CUBN: variants seen among roughly 807,000 people sequenced by gnomAD.
CUBN encodes the protein 460 kDa receptor.
A neutral mutation model predicts 405.3 loss-of-function variants in CUBN; 282 were observed. The ratio of observed to expected loss-of-function variants is 0.70; its 90% CI spans 0.63 to 0.77. CUBN has a LOEUF of 0.77. CUBN is among the 30% of genes least tolerant of loss of function. CUBN has a pLI of 0.00. For synonymous variants in CUBN, 1,684 were observed against 1,617.0 expected, an observed-to-expected ratio of 1.04 and a Z score of -0.99; for missense variants, 4,514 against 4,475.2, an observed-to-expected ratio of 1.01 and a Z score of -0.25.
At chr10:16,852,168 CCTCT>C (rs1352393206) in intron 59 of CUBN, among the ~76,000 whole-genome samples, 35 of 125,054 alleles carry the variant, frequency 2.8e-4, no homozygotes, top group African/African-American at 1.0e-3. Flanking sequence ...TCCCTCCCTC[CCTCT>C]ATCTTTCCCT....
chr10:17,115,190 G>A (rs1277016169), intron 7 of CUBN, among the ~76,000 whole-genome samples: 1 of 149,176 alleles, frequency 6.7e-6, no homozygotes, highest in East Asian at 2.0e-4. Context: ...GTTGCAGTGA[G>A]CTGAGATCGT....
chr10:17,008,429 C>CGT (rs59235819), intron 28 of CUBN, among the ~76,000 whole-genome samples: 7,322 of 131,484 alleles, frequency 0.056, 237 homozygotes, highest in African/African-American at 0.081. Context: ...AATCCCTGCT[C>CGT]GTGTGTGTGT....
chr10:16,865,550 G>A (rs1564393052), intron 59 of CUBN, among the ~76,000 whole-genome samples: 1 of 152,088 alleles, frequency 6.6e-6, no homozygotes, highest in Non-Finnish European at 1.5e-5. Context: ...GGGACTTGGA[G>A]AACTTTTCTG....
intron 29 of CUBN, 132 bp from the exon 30 acceptor site, chr10:16,984,411 G>T: frequency 1.1e-6 from 1 of 887,640 alleles, no homozygotes; most frequent in Non-Finnish European, 1.8e-6. Context: ...GCCTCCCTGG[G>T]TGGGGATGCA....
At chr10:17,008,458 G>GTGTGTGTT (rs1471234210) in intron 28 of CUBN, among the ~76,000 whole-genome samples, 3 of 147,606 alleles carry the variant, frequency 2.0e-5, no homozygotes. Flanking sequence ...GTGTGTGTGT[G>GTGTGTGTT]TGTGTGCGCG....
intron 48 of CUBN, among the ~76,000 whole-genome samples, chr10:16,908,200 C>T (rs1841611210): frequency 6.6e-6 from 1 of 152,034 alleles, no homozygotes; most frequent in Non-Finnish European, 1.5e-5. Context: ...GGCTGGAGTG[C>T]AGCGGTGTGA....
At chr10:16,962,251 T>C (rs1176990082) in intron 31 of CUBN, among the ~76,000 whole-genome samples, 1 of 152,118 alleles carries the variant, frequency 6.6e-6, no homozygotes, top group Non-Finnish European at 1.5e-5. Flanking sequence ...AGTAAGCATG[T>C]GATAGATGTT....
At chr10:16,950,165 A>G in intron 33 of CUBN, 54 bp from the exon 34 acceptor site, 2 of 1,301,542 alleles carry the variant, frequency 1.5e-6, no homozygotes, top group South Asian at 1.2e-5. Flanking sequence ...TAAAACATAC[A>G]GGGAGATGGG....
rs1482731800 is a variant in CUBN at position 16,925,385 on chromosome 10, G to T, written c.6502C>A (p.Pro2168Thr). 6.2e-7 allele frequency: 1 copy of T among 1,613,918 alleles called. No individual in the cohort carries two copies. The highest frequency in any genetic ancestry group is 8.5e-7 in the Non-Finnish European group (1 of 1,179,882). The change falls in exon 43 of 67, where the codon CCC (proline) becomes ACC (threonine). Residue 2168 changes from proline to threonine, a missense_variant. This residue lies in a region of CUBN where 1,613 missense variants were observed against 1,542.8 expected (regional missense o/e 1.05). Coordinates refer to ENST00000377833, the MANE Select transcript of CUBN (RefSeq NM_001081.4). ...GPDICSPPLG[P>T]PGGNGHFCGS... ...CAAAAATGACCATTTCCTCCAGGGG[G>T]TCCCAAGGGTGGAGAACAGATATCA... is the stretch of plus-strand genomic sequence containing the variant.
chr10:17,049,711 T>C (rs1835219459), intron 22 of CUBN, among the ~76,000 whole-genome samples: 1 of 152,158 alleles, frequency 6.6e-6, no homozygotes, highest in Admixed American at 6.5e-5. Context: ...GCTTTACCCT[T>C]TACCTAACCC....
chr10:16,934,038 G>A (rs75055710), intron 39 of CUBN, among the ~76,000 whole-genome samples: 2,651 of 152,264 alleles, frequency 0.017, 35 homozygotes, highest in Middle Eastern at 0.031. Context: ...GCAATGCTGA[G>A]GAGATGCGCT....
chr10:17,018,167 T>C (rs1834390014), intron 28 of CUBN, among the ~76,000 whole-genome samples: 2 of 152,170 alleles, frequency 1.3e-5, no homozygotes, highest in African/African-American at 2.4e-5. Flanking sequence ...GCGGCCATGC[T>C]AGTCACTTTT....
chr10:16,989,149 T>G (rs1295105925), intron 29 of CUBN, among the ~76,000 whole-genome samples: 3 of 152,096 alleles, frequency 2.0e-5, no homozygotes, highest in African/African-American at 7.2e-5. Context: ...GGATATAGAA[T>G]CCTTGTCATG....
intron 28 of CUBN, among the ~76,000 whole-genome samples, chr10:17,010,163 GCC>G (rs910369438): frequency 1.3e-5 from 2 of 152,194 alleles, no homozygotes; most frequent in South Asian, 2.1e-4. Context: ...TCTGGAGAAT[GCC>G]CCAGCCCTTG....
rs57009841 is a variant in CUBN at position 16,889,953 on chromosome 10, A to AAAAAAAAAAAAG, written c.8755+417_8755+418insCTTTTTTTTTTT. Among the ~76,000 whole-genome samples, 76 of 118,016 alleles carry AAAAAAAAAAAAG rather than the reference A, an allele frequency of 6.4e-4. 11 individuals carry two copies. The highest frequency in any genetic ancestry group is 2.9e-3 in the African/African-American group (69 of 23,876). The allele number at this position is 118,016 out of a possible 152,430, so 77.4% of individuals were successfully genotyped here. A position where few individuals can be genotyped will look rare whatever the true frequency, so the allele number is the denominator to read the frequency against. On this transcript the variant is annotated intron_variant, in intron 55 of 66. Coordinates refer to ENST00000377833, the MANE Select transcript of CUBN (RefSeq NM_001081.4). ...GCCGTGTCAAAAAAAAAAAAAAAAA[A>AAAAAAAAAAAAG]CAGGAAAGACTTCGTCATGGAAATT... is the stretch of plus-strand genomic sequence containing the variant.
intron 28 of CUBN, among the ~76,000 whole-genome samples, chr10:16,999,884 A>T (rs897120544): frequency 2.0e-5 from 3 of 151,968 alleles, no homozygotes; most frequent in Non-Finnish European, 4.4e-5. Context: ...ACCTCCTCCA[A>T]CCTCTAACCT....
intron 36 of CUBN, among the ~76,000 whole-genome samples, chr10:16,942,418 C>T (rs771491325): frequency 2.3e-4 from 35 of 152,124 alleles, no homozygotes; most frequent in Non-Finnish European, 3.5e-4. Context: ...AAATGGAAAA[C>T]AAACCGAATA....
chr10:17,031,723 G>A (rs971173376), intron 27 of CUBN, among the ~76,000 whole-genome samples: 8 of 152,210 alleles, frequency 5.3e-5, no homozygotes, highest in Non-Finnish European at 7.3e-5. Flanking sequence ...TAGAACAATA[G>A]AAAGCACAGT....
Position 16,888,554 on chromosome 10 carries a change from T to G in CUBN, c.8768A>C (p.Asn2923Thr). 6.2e-7 allele frequency: 1 copy of G among 1,613,632 alleles called. No individual in the cohort carries two copies. The change falls in exon 56 of 67, where the codon AAT becomes ACT. Residue 2923 changes from asparagine to threonine, a missense_variant. Around this residue, in one of 5 missense-constraint regions of CUBN, gnomAD observed 1,186 missense variants for 1,186.9 expected, o/e 1.00. Coordinates refer to ENST00000377833, the MANE Select transcript of CUBN (RefSeq NM_001081.4). ...SASFVSRCGS[N>T]FTGPSGYIIS... ...GATGTAACCTGAAGGGCCAGTGAAA[T>G]TACTTCCACATCCTATGTGGGAACA... is the stretch of plus-strand genomic sequence containing the variant.
Sources: gnomAD v4.1 joint callset for allele counts (sites outside exome capture counted in the v4.1 genomes callset) on GRCh38, gnomAD v4.1.1 for gene constraint, gnomAD v4.1.1 regional missense constraint, MANE v1.5 for transcripts, NCBI Gene and HGNC (gene_info 2026-07-23, HGNC 2026-07-21) for gene names.